Variants in SH2B1 observed in about 807,000 individuals in gnomAD.
SH2B1 encodes SH2B adapter protein 1.
Under a neutral mutation model 62.6 loss-of-function variants are expected in SH2B1, and 15 were observed. The observed-to-expected ratio is 0.24, with a 90% CI of 0.16 to 0.37. SH2B1 has a LOEUF of 0.37. Among genes scored for constraint, SH2B1 ranks in the 10% least tolerant of loss-of-function variants. The pLI is 1.00. For synonymous variants in SH2B1, 443 were observed against 438.0 expected (o/e 1.01, Z -0.14); for missense variants, 925 against 1,015.6 (o/e 0.91, Z 1.21).
At position 28,856,431 on chromosome 16, in the gene SH2B1, A is replaced by ATT. The variant is rs1421651468; in HGVS notation, c.-300-5186_-300-5185dup. On this transcript the variant is annotated intron_variant, in intron 1 of 10. Transcript: ENST00000322610. Reference sequence around the variant, plus strand: ...AATGGAAAGCAAATTTTATATTCACATTCATTTTTATAAATAAAGATGGGT... The same window carrying ATT: ...AATGGAAAGCAAATTTTATATTCACATTTTCATTTTTATAAATAAAGATGGGT... Among the ~76,000 whole-genome samples, 5 of 152,280 alleles carry ATT rather than the reference A, an allele frequency of 3.3e-5. No individual in the cohort carries two copies. In the East Asian group the frequency reaches 9.6e-4, roughly 29 times the overall value.
intron 1 of SH2B1, among the ~76,000 whole-genome samples, chr16:28,857,810 G>A (rs1962355660): frequency 6.6e-6 from 1 of 151,548 alleles, no homozygotes; most frequent in Non-Finnish European, 1.5e-5. Flanking sequence ...CGCAATCTCG[G>A]CTCACTGCAA....
In SH2B1 at chr16:28,864,089, A is replaced by T; in HGVS notation, c.-2006A>T. 7.7e-7 allele frequency: 1 copy of T among 1,295,546 alleles called. No homozygotes were observed. Among genetic ancestry groups the T allele is most frequent in the African/African-American group, 1.5e-5 (1 of 65,118 alleles). The allele number at this position is 1,295,546 out of a possible 1,614,324, so 80.3% of individuals were successfully genotyped here. A position where few individuals can be genotyped will look rare whatever the true frequency, so the allele number is the denominator to read the frequency against. On this transcript the variant is annotated 5_prime_UTR_variant, in exon 1 of 8. Coordinates refer to ENST00000684370, the MANE Select transcript of SH2B1 (RefSeq NM_001387430.1). ...CACTCGGCCCCGGAGAGTGCAGCAGACAGGGCTGGTCCCGAGGTGGATGCG... is the reference window on the plus strand; with the variant it reads ...CACTCGGCCCCGGAGAGTGCAGCAGTCAGGGCTGGTCCCGAGGTGGATGCG...
chr16:28,851,194 A>C (rs1326206603), intron 1 of SH2B1, among the ~76,000 whole-genome samples: 2 of 149,658 alleles, frequency 1.3e-5, no homozygotes, highest in Admixed American at 6.7e-5. Flanking sequence ...AAAAAAAACC[A>C]ACCTATCCAA....
intron 1 of SH2B1, among the ~76,000 whole-genome samples, chr16:28,853,226 TA>T (rs1418357580): frequency 1.8e-5 from 2 of 109,404 alleles, no homozygotes; most frequent in Admixed American, 2.2e-4. Flanking sequence ...AATGTATATA[TA>T]AATATATATA....
chr16:28,864,284 G>A lies in SH2B1; in HGVS notation c.-1811G>A. The A allele has an allele frequency of 1.0e-6, 1 of 1,000,932 alleles. No homozygotes were observed. Among genetic ancestry groups the A allele is most frequent in the South Asian group, 4.1e-5 (1 of 24,164 alleles). The allele number at this position is 1,000,932 out of a possible 1,614,324, so 62.0% of individuals were successfully genotyped here. A position where few individuals can be genotyped will look rare whatever the true frequency, so the allele number is the denominator to read the frequency against. ...GGAGGCAGGTGCACCGGGAAAATGTGTCTGAGTCCTGCTTGGCAGAAGAGA... is the reference window on the plus strand; with the variant it reads ...GGAGGCAGGTGCACCGGGAAAATGTATCTGAGTCCTGCTTGGCAGAAGAGA... On this transcript the variant is annotated 5_prime_UTR_variant, in exon 1 of 8. Coordinates refer to ENST00000684370, the MANE Select transcript of SH2B1 (RefSeq NM_001387430.1).
Position 28,864,538 on chromosome 16 carries a change from G to A in SH2B1, c.-1557G>A. The A allele has an allele frequency of 4.1e-6, 4 of 985,708 alleles. No individual in the cohort carries two copies. The highest frequency in any genetic ancestry group is 4.7e-5 in the South Asian group (1 of 21,302). 61.1% of individuals were successfully genotyped at this position (985,708 alleles called of 1,614,324 possible). A position where few individuals can be genotyped will look rare whatever the true frequency, so the allele number is the denominator to read the frequency against. The stretch of plus-strand genomic sequence containing the variant: ...CGGTTGGAGCCATCTGAGCTTGTAG[G>A]GTCGAGGCCCAGGAGGAAGGGGAGG... On this transcript the variant is annotated 5_prime_UTR_variant, in exon 1 of 8. Transcript: ENST00000684370.
intron 1 of SH2B1, among the ~76,000 whole-genome samples, chr16:28,857,396 A>G (rs961851428): frequency 1.3e-4 from 20 of 149,798 alleles, no homozygotes; most frequent in Non-Finnish European, 2.4e-4. Context: ...AATGGCTCAT[A>G]ATGGGGAGTG....
upstream of SH2B1, among the ~76,000 whole-genome samples, chr16:28,860,673 C>T (rs1962423800): frequency 6.6e-6 from 1 of 152,174 alleles, no homozygotes; most frequent in Admixed American, 6.5e-5. Context: ...GCAGCACACC[C>T]TGTGATCCCC....
rs1458822102 is a variant in SH2B1, at chr16:28,855,679, G to A, written c.-300-5939G>A. ...TTTTGAGACAGAGTCTTGTTCTGTC[G>A]CCCGGGCTGGAGTGCAGTGGAGCGA... On this transcript the variant is annotated intron_variant, in intron 1 of 10. Coordinates refer to the SH2B1 transcript ENST00000322610. Among the ~76,000 whole-genome samples, 5 of 145,270 alleles carry A rather than the reference G, an allele frequency of 3.4e-5. No homozygotes were observed. In the South Asian group the frequency reaches 8.6e-4, roughly 25 times the overall value.
Position 28,873,160 on chromosome 16 carries a change from C to T in SH2B1, c.1898-287C>T. 2 of 1,550,388 alleles carry T rather than the reference C, an allele frequency of 1.3e-6. No homozygotes were observed. Among genetic ancestry groups the T allele is most frequent in the Non-Finnish European group, 1.7e-6 (2 of 1,155,446 alleles). On this transcript the variant is annotated intron_variant, in intron 7 of 7. Transcript: ENST00000684370. The surrounding 1 kb of genome is among the most constrained non-coding windows in gnomAD (Gnocchi z 4.2). ...CGTCCCATCTGTCCCCACGTTGCCC[C>T]TCCCCCCAGGCCGGGAGCAGGCTGG...
chr16:28,867,191 C>T (rs890784945), intron 1 of SH2B1, 140 bp from the exon 2 acceptor site: 27 of 1,234,510 alleles, frequency 2.2e-5, no homozygotes, highest in South Asian at 1.0e-4. Context: ...TTAGCAGCTG[C>T]GGGCAGGACT....
At chr16:28,870,050 T>G (rs575753791) in intron 4 of SH2B1, among the ~76,000 whole-genome samples, 7 of 152,298 alleles carry the variant, frequency 4.6e-5, no homozygotes, top group Non-Finnish European at 8.8e-5. Flanking sequence ...CACCTGAGGG[T>G]CACTGAGGAA....
chr16:28,863,694 C>G, upstream of SH2B1: 1 of 1,535,816 alleles, frequency 6.5e-7, no homozygotes, highest in Non-Finnish European at 8.7e-7. Flanking sequence ...CACTGAAGCC[C>G]TACGAGATTC....
intron 1 of SH2B1, among the ~76,000 whole-genome samples, chr16:28,855,288 C>T (rs1011708249): frequency 2.0e-5 from 3 of 151,354 alleles, no homozygotes; most frequent in Non-Finnish European, 4.4e-5. Flanking sequence ...GGTGTGATCT[C>T]GGCTCATTGC....
chr16:28,859,162 T>G (rs942663805), upstream of SH2B1, among the ~76,000 whole-genome samples: 1 of 152,038 alleles, frequency 6.6e-6, no homozygotes, highest in Non-Finnish European at 1.5e-5. Context: ...CAGGCTGGTC[T>G]TGAACTCCCA....
Position 28,865,969 on chromosome 16 carries a change from C to T in SH2B1, c.-126C>T. 1 of 1,479,680 alleles carries T rather than the reference C, an allele frequency of 6.8e-7. No homozygotes were observed. Among genetic ancestry groups the T allele is most frequent in the South Asian group, 1.4e-5 (1 of 71,104 alleles). 91.7% of individuals were successfully genotyped at this position (1,479,680 alleles called of 1,614,324 possible). ...GGTGGGATGCAGCCTCCGGTGCGCC[C>T]TCAGCAGTGACCCTCGTGTGTGCCT... On this transcript the variant is annotated 5_prime_UTR_variant, in exon 1 of 8. Transcript: ENST00000684370.
At chr16:28,857,801 G>A (rs372775976) in intron 1 of SH2B1, among the ~76,000 whole-genome samples, 2 of 150,930 alleles carry the variant, frequency 1.3e-5, no homozygotes, top group East Asian at 2.0e-4. Flanking sequence ...GTGCAGTGGC[G>A]CAATCTCGGC....
intron 1 of SH2B1, among the ~76,000 whole-genome samples, chr16:28,852,735 CATATATATATTTACAT>C (rs1962180119): frequency 3.3e-5 from 1 of 30,476 alleles, no homozygotes; most frequent in Non-Finnish European, 6.2e-5. Flanking sequence ...TATATATATA[CATATATATATTTACAT>C]ATATATGTAT....
upstream of SH2B1, among the ~76,000 whole-genome samples, chr16:28,860,447 T>C (rs1295788737): frequency 6.6e-6 from 1 of 152,034 alleles, no homozygotes; most frequent in Admixed American, 6.6e-5. Context: ...TTTGCCATGT[T>C]GGCCAGGCGG....
Sources: gnomAD v4.1 joint callset for allele counts (sites outside exome capture counted in the v4.1 genomes callset) on GRCh38, gnomAD v4.1.1 for gene constraint, Gnocchi (gnomAD v3.1) non-coding constraint, MANE v1.5 for transcripts, NCBI Gene and HGNC (gene_info 2026-07-23, HGNC 2026-07-21) for gene names.